ARK2N: variants seen among roughly 807,000 people sequenced by gnomAD.
ARK2N encodes arkadia (RNF111) N-terminal like PKA signaling regulator 2N, also known as protein ARK2N.
chr18:46,236,868 C>CT, the ARK2N span, among the ~76,000 whole-genome samples: 1,896 of 138,808 alleles, frequency 0.014, 59 homozygotes, highest in East Asian at 0.12. Context: ...TTGTTTTTTG[C>CT]TTTTTTTTTT....
the ARK2N span, among the ~76,000 whole-genome samples, chr18:46,236,825 C>T: frequency 2.7e-5 from 2 of 74,038 alleles, no homozygotes; most frequent in East Asian, 2.8e-4. Context: ...TAGATAGCAG[C>T]TTCTGTTTTT....
At chr18:46,226,318 TG>T in the ARK2N span, among the ~76,000 whole-genome samples, 1 of 152,238 alleles carries the variant, frequency 6.6e-6, no homozygotes, top group Non-Finnish European at 1.5e-5. Flanking sequence ...GATATGGAGA[TG>T]GATTTTTATT....
At chr18:46,216,049 T>A in the ARK2N span, 1 of 1,614,108 alleles carries the variant, frequency 6.2e-7, no homozygotes, top group Non-Finnish European at 8.5e-7. This position sits in a 1 kb window ranked among gnomAD's most constrained non-coding sequence, Gnocchi z 4.3. Context: ...TTCAATGCCC[T>A]GCTTGTTGAT....
the ARK2N span, among the ~76,000 whole-genome samples, chr18:46,204,551 A>G: frequency 6.6e-6 from 1 of 152,208 alleles, no homozygotes; most frequent in African/African-American, 2.4e-5. Flanking sequence ...GAATTATCTA[A>G]TATTAATACT....
the ARK2N span, among the ~76,000 whole-genome samples, chr18:46,255,024 T>C: frequency 2.0e-5 from 3 of 152,262 alleles, no homozygotes; most frequent in Non-Finnish European, 2.9e-5. Context: ...TAACATAGTG[T>C]ATTCATTACT....
the ARK2N span, among the ~76,000 whole-genome samples, chr18:46,238,106 C>G: frequency 6.6e-6 from 1 of 152,116 alleles, no homozygotes; most frequent in East Asian, 1.9e-4. Context: ...CATGTATACA[C>G]TTATACTTTT....
chr18:46,262,038 G>T, the ARK2N span, among the ~76,000 whole-genome samples: 4 of 152,184 alleles, frequency 2.6e-5, no homozygotes, highest in South Asian at 2.1e-4. Context: ...CATGCCACTT[G>T]TTACTTCTCA....
At chr18:46,198,310 CAAAAA>C in the ARK2N span, among the ~76,000 whole-genome samples, 3 of 69,116 alleles carry the variant, frequency 4.3e-5, no homozygotes, top group Admixed American at 4.2e-4. Flanking sequence ...ACTCCATCTC[CAAAAA>C]AAAAAAAAAA....
the ARK2N span, chr18:46,240,227 G>A: frequency 6.2e-7 from 1 of 1,605,420 alleles, no homozygotes; most frequent in Non-Finnish European, 8.5e-7. Flanking sequence ...GGTGTAATAT[G>A]CATGTGTCCT....
At chr18:46,262,258 C>G in the ARK2N span, among the ~76,000 whole-genome samples, 3 of 152,192 alleles carry the variant, frequency 2.0e-5, no homozygotes, top group South Asian at 2.1e-4. Flanking sequence ...GACTTGCTAA[C>G]AAGGCAGTTC....
the ARK2N span, among the ~76,000 whole-genome samples, chr18:46,260,539 T>C: frequency 6.6e-6 from 1 of 152,220 alleles, no homozygotes; most frequent in Non-Finnish European, 1.5e-5. Context: ...CTGGAACCAT[T>C]TGTAACATAA....
the ARK2N span, among the ~76,000 whole-genome samples, chr18:46,203,705 G>A: frequency 7.9e-5 from 12 of 152,044 alleles, no homozygotes; most frequent in South Asian, 1.9e-3. Context: ...CTTGTGCCTC[G>A]CCTCCTGAGT....
chr18:46,184,982 T>C, the ARK2N span, among the ~76,000 whole-genome samples: 2 of 152,252 alleles, frequency 1.3e-5, no homozygotes, highest in African/African-American at 4.8e-5. Flanking sequence ...ACTAGGCTAT[T>C]AGCAGTTGAG....
chr18:46,243,738 T>A, the ARK2N span, among the ~76,000 whole-genome samples: 2 of 152,330 alleles, frequency 1.3e-5, no homozygotes, highest in South Asian at 4.1e-4. Flanking sequence ...AAACTGCATG[T>A]CCTCAGGTAA....
the ARK2N span, among the ~76,000 whole-genome samples, chr18:46,197,614 C>T: frequency 6.6e-6 from 1 of 152,146 alleles, no homozygotes; most frequent in African/African-American, 2.4e-5. Context: ...AATGTAGTTC[C>T]TTGATGAATA....
the ARK2N span, chr18:46,266,405 C>G: frequency 6.6e-6 from 1 of 152,638 alleles, no homozygotes; most frequent in Non-Finnish European, 1.5e-5. Flanking sequence ...GTGCCCTAAC[C>G]AAACTTCCTC....
chr18:46,230,244 G>A, the ARK2N span, among the ~76,000 whole-genome samples: 3 of 152,148 alleles, frequency 2.0e-5, no homozygotes, highest in Non-Finnish European at 4.4e-5. Context: ...GTTTTAATAT[G>A]TACATTTTTT....
the ARK2N span, among the ~76,000 whole-genome samples, chr18:46,259,813 T>TGTGTGTGTGTGTGTG: frequency 1.4e-5 from 2 of 145,276 alleles, no homozygotes; most frequent in Non-Finnish European, 1.5e-5. Context: ...TGTGTGTGTG[T>TGTGTGTGTGTGTGTG]TTGACAGAGA....
the ARK2N span, among the ~76,000 whole-genome samples, chr18:46,210,769 G>C: frequency 1.3e-5 from 2 of 152,204 alleles, no homozygotes; most frequent in East Asian, 1.9e-4. Flanking sequence ...AATTAGCCAG[G>C]CATGGTGGCT....
Sources: gnomAD v4.1 joint callset for allele counts (sites outside exome capture counted in the v4.1 genomes callset) on GRCh38, gnomAD v4.1.1 for gene constraint, Gnocchi (gnomAD v3.1) non-coding constraint, MANE v1.5 for transcripts, NCBI Gene and HGNC (gene_info 2026-07-23, HGNC 2026-07-21) for gene names.